Variants in PKIB observed in about 807,000 individuals in gnomAD.
PKIB encodes cAMP-dependent protein kinase inhibitor beta.
Under a neutral mutation model 4.5 loss-of-function variants are expected in PKIB, and 2 were observed. The observed-to-expected ratio is 0.44, with a 90% CI of 0.18 to 1.39. The LOEUF (loss-of-function observed/expected upper bound fraction) is 1.39, where lower values mean the gene tolerates loss of function less well. Among genes scored for constraint, PKIB ranks in the 40% most tolerant of loss-of-function variants. The pLI is 0.27. For missense variants in PKIB, 94 were observed against 92.6 expected (o/e 1.02, Z -0.06); for synonymous variants, 38 against 36.0 (o/e 1.06, Z -0.20).
chr6:122,581,397 G>C (rs1366130824), intron 2 of PKIB, among the ~76,000 whole-genome samples: 1 of 151,976 alleles, frequency 6.6e-6, no homozygotes, highest in Non-Finnish European at 1.5e-5. Flanking sequence ...ACTTATGATT[G>C]TTAGTTATTA....
intron 2 of PKIB, among the ~76,000 whole-genome samples, chr6:122,638,463 G>A (rs1158385574): frequency 6.6e-6 from 1 of 152,088 alleles, no homozygotes; most frequent in Non-Finnish European, 1.5e-5. Context: ...TCTGGCCAAT[G>A]CGTTGACTCC....
intron 2 of PKIB, among the ~76,000 whole-genome samples, chr6:122,508,409 A>C (rs553800769): frequency 8.9e-4 from 135 of 152,282 alleles, no homozygotes; most frequent in Non-Finnish European, 1.7e-3. Context: ...AATGTTGTAC[A>C]ATGTCCTTGG....
chr6:122,499,172 C>A (rs904346640), intron 2 of PKIB, among the ~76,000 whole-genome samples: 18 of 152,192 alleles, frequency 1.2e-4, no homozygotes, highest in African/African-American at 4.1e-4. Flanking sequence ...TAAAACTATT[C>A]CAAAAAACTG....
At chr6:122,692,151 A>G (rs1390025829) in intron 3 of PKIB, among the ~76,000 whole-genome samples, 1 of 152,218 alleles carries the variant, frequency 6.6e-6, no homozygotes, top group Non-Finnish European at 1.5e-5. Flanking sequence ...TGAAGCCAGC[A>G]TTGCATTGAG....
At chr6:122,662,842 C>T (rs180941649) in intron 2 of PKIB, among the ~76,000 whole-genome samples, 23 of 152,258 alleles carry the variant, frequency 1.5e-4, no homozygotes, top group East Asian at 9.7e-4. Context: ...TAGTCAGTAG[C>T]GGAGCTAGCA....
At chr6:122,575,521 G>A (rs749629194) in intron 2 of PKIB, among the ~76,000 whole-genome samples, 9 of 151,740 alleles carry the variant, frequency 5.9e-5, no homozygotes, top group Non-Finnish European at 1.0e-4. Flanking sequence ...CAACCTAAGC[G>A]CCCATTGACC....
At chr6:122,664,090 T>TA (rs1424158163) in intron 2 of PKIB, among the ~76,000 whole-genome samples, 1 of 152,216 alleles carries the variant, frequency 6.6e-6, no homozygotes, top group Non-Finnish European at 1.5e-5. Context: ...TGCAGTATGA[T>TA]ATGACAACAG....
chr6:122,668,373 C>A (rs1278931364), intron 2 of PKIB, among the ~76,000 whole-genome samples: 2 of 152,180 alleles, frequency 1.3e-5, no homozygotes, highest in Admixed American at 6.5e-5. Context: ...TAACCGATTT[C>A]TCTTCAAAGG....
intron 2 of PKIB, among the ~76,000 whole-genome samples, chr6:122,504,594 A>G (rs1166124000): frequency 6.6e-6 from 1 of 152,188 alleles, no homozygotes; most frequent in East Asian, 1.9e-4. Flanking sequence ...ATGCTCAGAG[A>G]TATTTTCCAT....
At chr6:122,687,240 A>G (rs923181531) in intron 3 of PKIB, among the ~76,000 whole-genome samples, 23 of 152,050 alleles carry the variant, frequency 1.5e-4, no homozygotes, top group African/African-American at 5.6e-4. Flanking sequence ...TCCTTAGTAT[A>G]TGTTCTTGGC....
At chr6:122,599,610 T>C (rs1196220162) in intron 3 of PKIB, among the ~76,000 whole-genome samples, 1 of 152,210 alleles carries the variant, frequency 6.6e-6, no homozygotes, top group African/African-American at 2.4e-5. Flanking sequence ...TTCATCACTT[T>C]GTCCACTGAA....
intron 3 of PKIB, among the ~76,000 whole-genome samples, chr6:122,690,510 C>A (rs1778285680): frequency 6.6e-6 from 1 of 151,998 alleles, no homozygotes; most frequent in South Asian, 2.1e-4. Flanking sequence ...CATAAACAAA[C>A]AAACAAGCAA....
At chr6:122,635,400 T>C (rs1775876647) in intron 2 of PKIB, among the ~76,000 whole-genome samples, 1 of 152,132 alleles carries the variant, frequency 6.6e-6, no homozygotes, top group African/African-American at 2.4e-5. Context: ...TTTAAGTGAC[T>C]ATAGTATCTT....
intron 2 of PKIB, among the ~76,000 whole-genome samples, chr6:122,506,844 C>T (rs1034246351): frequency 3.2e-4 from 48 of 150,636 alleles, no homozygotes; most frequent in African/African-American, 1.0e-3. Context: ...GGACTACAGG[C>T]GCCCACCATC....
chr6:122,677,200 A>G lies in PKIB; in HGVS notation c.-9+2056A>G, dbSNP rs145770901. On this transcript the variant is annotated intron_variant, in intron 3 of 4. Coordinates refer to ENST00000368452, the MANE Select transcript of PKIB (RefSeq NM_181795.3). ...GAGAAATACAAATTTTCCTTTAAAA[A>G]TGATCCCCAAATCAAAATCGAAGGG... 1.2e-3 allele frequency among the ~76,000 whole-genome samples: 187 copies of G among 152,358 alleles called. 3 individuals carry two copies. The East Asian group carries it at 0.02, about 17-fold the overall frequency.
At chr6:122,696,245 CGTAGAGT>C (rs1778564313) in intron 3 of PKIB, among the ~76,000 whole-genome samples, 1 of 152,042 alleles carries the variant, frequency 6.6e-6, no homozygotes, top group African/African-American at 2.4e-5. Context: ...GAGAACAAAC[CGTAGAGT>C]GGGAATTACT....
intron 3 of PKIB, among the ~76,000 whole-genome samples, chr6:122,704,125 G>A (rs546946449): frequency 6.6e-6 from 1 of 152,080 alleles, no homozygotes; most frequent in Non-Finnish European, 1.5e-5. Flanking sequence ...CTGAGTTTAA[G>A]GCAAAAGATT....
At chr6:122,690,152 T>G (rs1244871309) in intron 3 of PKIB, among the ~76,000 whole-genome samples, 1 of 152,086 alleles carries the variant, frequency 6.6e-6, no homozygotes, top group Non-Finnish European at 1.5e-5. Flanking sequence ...GTAGGTGAAG[T>G]GTGTTTCTTA....
intron 2 of PKIB, chr6:122,585,674 T>C (rs866442877): frequency 2.0e-5 from 3 of 152,252 alleles, no homozygotes; most frequent in Admixed American, 6.5e-5. Flanking sequence ...CTGCAAATTA[T>C]TGAAAAAACA....
Sources: gnomAD v4.1 joint callset for allele counts (sites outside exome capture counted in the v4.1 genomes callset) on GRCh38, gnomAD v4.1.1 for gene constraint, MANE v1.5 for transcripts, NCBI Gene and HGNC (gene_info 2026-07-23, HGNC 2026-07-21) for gene names.